Variants in ATL2 observed in about 807,000 individuals in gnomAD.
The protein encoded by ATL2 is atlastin GTPase 2.
ATL2 carries 31 observed loss-of-function variants against 73.9 expected under a neutral mutation model. That is an observed-to-expected ratio of 0.42 (90% CI 0.32 to 0.57). The LOEUF is 0.57. ATL2 is among the 20% of genes least tolerant of loss of function. ATL2 has a pLI of 0.14. For missense variants in ATL2, 738 were observed against 702.6 expected (o/e 1.05, Z -0.57); for synonymous variants, 291 against 237.5 (o/e 1.23, Z -2.07).
chr2:38,373,001 G>C (rs1211888717), intron 1 of ATL2, among the ~76,000 whole-genome samples: 1 of 151,232 alleles, frequency 6.6e-6, no homozygotes, highest in African/African-American at 2.5e-5. Context: ...AGTCACACTG[G>C]TACATTCTTA....
chr2:38,375,591 T>C (rs569964279), intron 1 of ATL2, among the ~76,000 whole-genome samples: 23 of 152,088 alleles, frequency 1.5e-4, no homozygotes, highest in African/African-American at 4.8e-4. Flanking sequence ...GGTAAATACA[T>C]AGAATATTTT....
At chr2:38,314,351 A>G (rs1452863050) in intron 6 of ATL2, among the ~76,000 whole-genome samples, 1 of 152,232 alleles carries the variant, frequency 6.6e-6, no homozygotes, top group Non-Finnish European at 1.5e-5. Context: ...TTAGAATAAC[A>G]TCTGTTAAGA....
chr2:38,298,857 T>C (rs1438726942), intron 11 of ATL2, among the ~76,000 whole-genome samples: 1 of 152,174 alleles, frequency 6.6e-6, no homozygotes, highest in African/African-American at 2.4e-5. Flanking sequence ...TATACCATAA[T>C]AGCACACAAA....
chr2:38,342,371 C>T (rs1573530830), intron 2 of ATL2, among the ~76,000 whole-genome samples: 1 of 152,156 alleles, frequency 6.6e-6, no homozygotes, highest in East Asian at 1.9e-4. Context: ...CAACCTGTAC[C>T]ATGAGTTAGG....
intron 1 of ATL2, among the ~76,000 whole-genome samples, chr2:38,366,375 A>G (rs958259343): frequency 2.6e-5 from 4 of 152,182 alleles, no homozygotes; most frequent in African/African-American, 7.2e-5. Flanking sequence ...TTTATTAAAC[A>G]TACTCTAATA....
intron 4 of ATL2, 79 bp from the exon 5 acceptor site, chr2:38,315,413 A>C (rs1667978904): frequency 7.1e-7 from 1 of 1,402,922 alleles, no homozygotes. Flanking sequence ...TTACTTGTGG[A>C]AAAAAGGTTA....
chr2:38,357,322 G>T lies in ATL2; in HGVS notation c.119-13810C>A, dbSNP rs569942926. 2.6e-5 allele frequency among the ~76,000 whole-genome samples: 4 copies of T among 151,316 alleles called. No homozygotes were observed. The South Asian group carries it at 8.3e-4, about 32-fold the overall frequency. The stretch of plus-strand genomic sequence containing the variant: ...CAGCCTGGCAACAGAGGAAGACTCC[G>T]TCTCAAAAATAAATAAATAAAATAA... On this transcript the variant is annotated intron_variant, in intron 1 of 12. Transcript: ENST00000378954.
Position 38,298,298 on chromosome 2 carries a change from C to G in ATL2, c.1478G>C (p.Gly493Ala), listed in dbSNP as rs1052637758. 1.2e-6 allele frequency: 2 copies of G among 1,613,982 alleles called. No homozygotes were observed. Among genetic ancestry groups the G allele is most frequent in the African/African-American group, 2.7e-5 (2 of 74,908 alleles). ...FAMYIISGLT[G>A]FIGLNSIAVL... ...AGCTATAGAGTTTAGGCCAATGAAG[C>G]CAGTCAGTCCTGAGATTATATACAT... The change falls in exon 12 of 13, where the codon GGC (glycine) becomes GCC (alanine). Residue 493 changes from glycine (G) to alanine (A), a missense_variant. By Grantham distance (60) the Gly-to-Ala change is moderately conservative (BLOSUM62 0). Coordinates refer to ENST00000378954, the MANE Select transcript of ATL2 (RefSeq NM_001135673.4).
chr2:38,370,333 C>T (rs954014322), intron 1 of ATL2, among the ~76,000 whole-genome samples: 1 of 150,856 alleles, frequency 6.6e-6, no homozygotes, highest in Non-Finnish European at 1.5e-5. Context: ...CCTGTAATCT[C>T]AGCTGCTCGG....
intron 7 of ATL2, among the ~76,000 whole-genome samples, chr2:38,311,733 GC>G (rs1187488824): frequency 2.0e-5 from 3 of 152,124 alleles, no homozygotes; most frequent in African/African-American, 7.2e-5. Context: ...TGGCTAAATG[GC>G]TATGTTCATT....
At position 38,367,634 on chromosome 2, in the gene ATL2, CT is replaced by C. The variant is rs776674384; in HGVS notation, c.118+9508del. 5.3e-3 allele frequency among the ~76,000 whole-genome samples: 501 copies of C among 95,302 alleles called. 1 individual carries two copies. The highest frequency in any genetic ancestry group is 0.024 in the South Asian group (64 of 2,672). 62.5% of individuals were successfully genotyped at this position (95,302 alleles called of 152,430 possible). On this transcript the variant is annotated intron_variant, in intron 1 of 12. Coordinates refer to ENST00000378954, the MANE Select transcript of ATL2 (RefSeq NM_001135673.4). ...AAAAAAAACCGCCCATTTAAAACAA[CT>C]TTTTTTTTTTTTTTGAGACGGAGTT...
Position 38,318,627 on chromosome 2 carries a change from G to C in ATL2, c.511C>G (p.Leu171Val), listed in dbSNP as rs747543972. Residue 171 changes from leucine (L) to valine (V), a missense_variant, in exon 4 of 13, where the codon CTT (leucine) becomes GTT (valine). Leu to Val is a conservative substitution (Grantham distance 32, BLOSUM62 1). Transcript: ENST00000378954. ...RPNGTKVAVL[L>V]MDTQGAFDSQ... ...TCAAAGGCACCCTGGGTATCCATAA[G>C]CAGCACAGCAACCTAGGAATTTGAG... The C allele has an allele frequency of 2.5e-6, 4 of 1,603,280 alleles. No homozygotes were observed. The highest frequency in any genetic ancestry group is 3.4e-6 in the Non-Finnish European group (4 of 1,176,850).
At chr2:38,308,914 C>T (rs1443649151) in intron 9 of ATL2, among the ~76,000 whole-genome samples, 1 of 150,850 alleles carries the variant, frequency 6.6e-6, no homozygotes, top group Non-Finnish European at 1.5e-5. Context: ...GGCAGGCAAG[C>T]TATAAAGACT....
chr2:38,344,882 A>T (rs1007985392), intron 1 of ATL2, among the ~76,000 whole-genome samples: 1 of 152,186 alleles, frequency 6.6e-6, no homozygotes, highest in Non-Finnish European at 1.5e-5. Flanking sequence ...TAGCTCCCGA[A>T]AACAGCCATA....
At chr2:38,306,483 C>G (rs959159317) in intron 9 of ATL2, among the ~76,000 whole-genome samples, 2 of 152,158 alleles carry the variant, frequency 1.3e-5, no homozygotes, top group African/African-American at 4.8e-5. Flanking sequence ...CAAAAATCCT[C>G]AACAAAATAC....
intron 1 of ATL2, among the ~76,000 whole-genome samples, chr2:38,374,142 C>T (rs1671837251): frequency 6.9e-6 from 1 of 144,808 alleles, no homozygotes; most frequent in Non-Finnish European, 1.5e-5. Flanking sequence ...CCACCTGCCT[C>T]GGCCTCCGAA....
At chr2:38,343,150 A>T (rs60359710) in intron 2 of ATL2, 118 bp downstream of exon 2, 2,033 of 56,056 alleles carry the variant, frequency 0.036, 11 homozygotes, top group East Asian at 0.11. Flanking sequence ...CACTTAAATT[A>T]AAAAAAAAAA....
At chr2:38,355,419 C>T (rs1670601020) in intron 1 of ATL2, among the ~76,000 whole-genome samples, 1 of 151,808 alleles carries the variant, frequency 6.6e-6, no homozygotes, top group East Asian at 1.9e-4. Context: ...CCTGGCCATA[C>T]TGTATATTAG....
intron 1 of ATL2, among the ~76,000 whole-genome samples, chr2:38,348,875 C>T (rs932412012): frequency 9.2e-5 from 14 of 152,180 alleles, no homozygotes; most frequent in African/African-American, 3.4e-4. Context: ...TATGAACAGA[C>T]ACTTCTCAAA....
Sources: allele counts gnomAD v4.1 joint callset (sites outside exome capture counted in the v4.1 genomes callset), GRCh38; gene constraint gnomAD v4.1.1; transcripts MANE v1.5; gene names NCBI Gene and HGNC (gene_info 2026-07-23, HGNC 2026-07-21).